Variants in PTPRN2 observed in about 807,000 individuals in gnomAD.
The protein encoded by PTPRN2 is receptor-type tyrosine-protein phosphatase N2.
In PTPRN2, 74 loss-of-function variants were observed where a neutral mutation model predicts 118.8. The observed-to-expected ratio is 0.62, with a 90% confidence interval of 0.52 to 0.76. The LOEUF (loss-of-function observed/expected upper bound fraction) is 0.76, where lower values mean the gene tolerates loss of function less well. Ranked by LOEUF, PTPRN2 falls within the 30% of genes least tolerant of loss-of-function variation. The pLI, the probability that PTPRN2 is intolerant of heterozygous loss-of-function variation, is 0.00. For missense variants in PTPRN2, 1,481 were observed against 1,394.4 expected (o/e 1.06, Z -0.99); for synonymous variants, 641 against 608.0 (o/e 1.05, Z -0.80).
At chr7:157,731,594 T>A (rs554160900) in intron 12 of PTPRN2, among the ~76,000 whole-genome samples, 4 of 90,902 alleles carry the variant, frequency 4.4e-5, no homozygotes, top group African/African-American at 1.6e-4. Context: ...TTCCACCCCA[T>A]GCGCCCAGCA....
chr7:157,640,416 A>T (rs1804600819), intron 14 of PTPRN2, among the ~76,000 whole-genome samples: 1 of 152,260 alleles, frequency 6.6e-6, no homozygotes, highest in Non-Finnish European at 1.5e-5. Flanking sequence ...GATTTAAGGG[A>T]CATGGGAATA....
At chr7:157,906,635 TA>T (rs11302469) in intron 11 of PTPRN2, among the ~76,000 whole-genome samples, 139,064 of 150,336 alleles carry the variant, frequency 0.93, 64,866 homozygotes, top group South Asian at 0.99. Flanking sequence ...CTAAAACTCC[TA>T]AAAAAAAAAA....
Position 158,438,675 on chromosome 7 carries a change from G to A in PTPRN2, c.163+51060C>T, listed in dbSNP as rs1351057544. Among the ~76,000 whole-genome samples the A allele has an allele frequency of 5.3e-5, 8 of 152,134 alleles. No individual in the cohort carries two copies. The highest frequency in any genetic ancestry group is 7.2e-5 in the African/African-American group (3 of 41,406). ...TCCTGGAATTTGCTAATGATGAATC[G>A]TGCTGTGTGAAAATACACTTTAGGC... On this transcript the variant is annotated intron_variant, in intron 2 of 22. Transcript: ENST00000389418. This position sits in a 1 kb window ranked among gnomAD's most constrained non-coding sequence, Gnocchi z 4.7.
intron 12 of PTPRN2, among the ~76,000 whole-genome samples, chr7:157,753,344 G>A (rs889784298): frequency 1.1e-4 from 17 of 152,218 alleles, no homozygotes; most frequent in Non-Finnish European, 2.2e-4. Flanking sequence ...ACCCTTCATC[G>A]GGAAAGTTGA....
intron 10 of PTPRN2, among the ~76,000 whole-genome samples, chr7:158,105,450 A>G (rs1036870067): frequency 1.4e-5 from 2 of 148,016 alleles, no homozygotes; most frequent in African/African-American, 5.0e-5. Flanking sequence ...AGCTCCATCA[A>G]ACTCCACCCT....
At chr7:158,500,525 C>T (rs931905633) in intron 1 of PTPRN2, among the ~76,000 whole-genome samples, 2 of 152,226 alleles carry the variant, frequency 1.3e-5, no homozygotes, top group African/African-American at 4.8e-5. Context: ...TTAACAAAAC[C>T]AGGCTTGGGC....
chr7:157,772,966 C>T (rs891991853), intron 12 of PTPRN2, among the ~76,000 whole-genome samples: 3 of 152,202 alleles, frequency 2.0e-5, no homozygotes, highest in East Asian at 1.9e-4. Flanking sequence ...TGGGTACTGG[C>T]GGGGTCTTCC....
intron 4 of PTPRN2, among the ~76,000 whole-genome samples, chr7:158,203,381 C>T (rs74461811): frequency 6.6e-6 from 1 of 152,050 alleles, no homozygotes; most frequent in East Asian, 1.9e-4. Context: ...AGATAACATA[C>T]CATTTTTCAT....
Position 158,274,934 on chromosome 7 carries a change from T to A in PTPRN2, c.277+41885A>T, listed in dbSNP as rs116189411. Among the ~76,000 whole-genome samples, 1,393 of 152,346 alleles carry A rather than the reference T, an allele frequency of 9.1e-3. 24 individuals carry two copies. Among genetic ancestry groups the A allele is most frequent in the African/African-American group, 0.032 (1,329 of 41,562 alleles). On this transcript the variant is annotated intron_variant, in intron 3 of 22. Coordinates refer to ENST00000389418, the MANE Select transcript of PTPRN2 (RefSeq NM_002847.5). ...TAAGATCTCGACAAAGACCATCTCC[T>A]GGCTGCCTTTTATATTCAAATCCAC...
At chr7:158,359,382 G>A (rs753879641) in intron 2 of PTPRN2, among the ~76,000 whole-genome samples, 2 of 152,080 alleles carry the variant, frequency 1.3e-5, no homozygotes, top group Non-Finnish European at 2.9e-5. Context: ...GTCATTTGGC[G>A]AGGCCAACAC....
At chr7:157,747,883 T>C (rs1324950820) in intron 12 of PTPRN2, among the ~76,000 whole-genome samples, 2 of 141,254 alleles carry the variant, frequency 1.4e-5, no homozygotes, top group Non-Finnish European at 3.1e-5. Flanking sequence ...CTGTGGGGTG[T>C]CCGGGTGATT....
At chr7:158,372,902 AG>A (rs1436782506) in intron 2 of PTPRN2, among the ~76,000 whole-genome samples, 3 of 152,210 alleles carry the variant, frequency 2.0e-5, no homozygotes, top group Non-Finnish European at 4.4e-5. Context: ...GCAGCCACAT[AG>A]GGCTGCTAAG....
At chr7:158,138,672 T>C (rs1453863066) in intron 6 of PTPRN2, among the ~76,000 whole-genome samples, 157 bp from the exon 7 acceptor site, 1 of 152,220 alleles carries the variant, frequency 6.6e-6, no homozygotes, top group Non-Finnish European at 1.5e-5. Context: ...ATTGGGATAT[T>C]GGACTTGAAT....
At chr7:158,151,820 G>C (rs1037605581) in intron 6 of PTPRN2, among the ~76,000 whole-genome samples, 1 of 152,178 alleles carries the variant, frequency 6.6e-6, no homozygotes, top group African/African-American at 2.4e-5. Flanking sequence ...AAATCCATGA[G>C]CAAAGTCCTT....
chr7:158,379,509 C>G (rs981926024), intron 2 of PTPRN2, among the ~76,000 whole-genome samples: 1 of 151,870 alleles, frequency 6.6e-6, no homozygotes, highest in Non-Finnish European at 1.5e-5. Context: ...TGGGGGGCTC[C>G]CAAGAAATGG....
chr7:158,506,424 G>C (rs117855092), intron 1 of PTPRN2, among the ~76,000 whole-genome samples: 1 of 152,166 alleles, frequency 6.6e-6, no homozygotes, highest in African/African-American at 2.4e-5. Flanking sequence ...CCACACAGGT[G>C]TGGTGGCAAT....
intron 14 of PTPRN2, among the ~76,000 whole-genome samples, chr7:157,653,566 T>C (rs913802810): frequency 6.6e-5 from 10 of 152,112 alleles, no homozygotes; most frequent in Non-Finnish European, 1.2e-4. Context: ...GCTACCTGTG[T>C]GAGTCCTGGG....
intron 2 of PTPRN2, among the ~76,000 whole-genome samples, chr7:158,420,859 G>A (rs1016639960): frequency 1.3e-5 from 2 of 152,176 alleles, no homozygotes; most frequent in South Asian, 2.1e-4. Flanking sequence ...TTTCCTCCGC[G>A]TCCCTGTTGA....
In PTPRN2 at chr7:158,192,625, T is replaced by C. The variant is rs904513973; in HGVS notation, c.381-130A>G. On this transcript the variant is annotated intron_variant, in intron 4 of 22. Coordinates refer to ENST00000389418, the MANE Select transcript of PTPRN2 (RefSeq NM_002847.5). ...CTCTCGGTGGCCGGCCTGGCCTTGCTGCTCCATGACCATGGGTTTGAACTT... is the reference window on the plus strand; with the variant it reads ...CTCTCGGTGGCCGGCCTGGCCTTGCCGCTCCATGACCATGGGTTTGAACTT... 24 of 1,059,462 alleles carry C rather than the reference T, an allele frequency of 2.3e-5. No individual in the cohort carries two copies. In the Admixed American group the frequency reaches 7.7e-4, roughly 34 times the overall value. 65.6% of individuals were successfully genotyped at this position (1,059,462 alleles called of 1,614,324 possible). A position where few individuals can be genotyped will look rare whatever the true frequency, so the allele number is the denominator to read the frequency against.
Sources: gnomAD v4.1 joint callset for allele counts (sites outside exome capture counted in the v4.1 genomes callset) on GRCh38, gnomAD v4.1.1 for gene constraint, Gnocchi (gnomAD v3.1) non-coding constraint, MANE v1.5 for transcripts, NCBI Gene and HGNC (gene_info 2026-07-23, HGNC 2026-07-21) for gene names.